The following CDH12 variants were observed in gnomAD, a reference collection of about 807,000 sequenced individuals.
CDH12 encodes cadherin-12.
Under a neutral mutation model 74.1 loss-of-function variants are expected in CDH12, and 41 were observed. The observed-to-expected ratio is 0.55, with a 90% CI of 0.43 to 0.72. The LOEUF (loss-of-function observed/expected upper bound fraction) is 0.72, where lower values mean the gene tolerates loss of function less well. CDH12 is among the 30% of genes least tolerant of loss of function. The probability of loss-of-function intolerance (pLI) is 0.00; values close to 1 mark genes in which losing one functional copy is unlikely to be tolerated. For missense variants in CDH12, 945 were observed against 977.2 expected (o/e 0.97, Z 0.44); for synonymous variants, 399 against 355.0 (o/e 1.12, Z -1.39).
At chr5:22,023,284 T>A (rs1460768846) in intron 5 of CDH12, among the ~76,000 whole-genome samples, 1 of 152,148 alleles carries the variant, frequency 6.6e-6, no homozygotes, top group Non-Finnish European at 1.5e-5. Context: ...TGCAATAAGA[T>A]GTATGCCACC....
At chr5:22,745,688 G>A (rs1202378333) in intron 1 of CDH12, among the ~76,000 whole-genome samples, 1 of 152,106 alleles carries the variant, frequency 6.6e-6, no homozygotes, top group Non-Finnish European at 1.5e-5. Flanking sequence ...AATACCACAT[G>A]CTCTCACAAT....
At chr5:21,869,178 G>A (rs1265548544) in intron 6 of CDH12, among the ~76,000 whole-genome samples, 2 of 152,146 alleles carry the variant, frequency 1.3e-5, no homozygotes, top group Non-Finnish European at 2.9e-5. Flanking sequence ...AGGTGAAATT[G>A]GACTACTACT....
chr5:22,170,977 T>C (rs1468188218), intron 4 of CDH12, among the ~76,000 whole-genome samples: 2 of 151,902 alleles, frequency 1.3e-5, no homozygotes, highest in Non-Finnish European at 2.9e-5. Context: ...TTAGTAGATA[T>C]ATGCTTAAAA....
chr5:22,432,810 C>A (rs1350180526), intron 2 of CDH12, among the ~76,000 whole-genome samples: 2 of 152,002 alleles, frequency 1.3e-5, no homozygotes, highest in Non-Finnish European at 2.9e-5. Context: ...TCAATAAATT[C>A]TACTGAAATC....
intron 1 of CDH12, among the ~76,000 whole-genome samples, chr5:22,590,602 T>G (rs1277766198): frequency 6.6e-6 from 1 of 152,194 alleles, no homozygotes; most frequent in African/African-American, 2.4e-5. Flanking sequence ...TTTCTAAAAT[T>G]CATTCCAACT....
At chr5:22,076,895 C>T (rs1742356440) in intron 5 of CDH12, among the ~76,000 whole-genome samples, 2 of 152,052 alleles carry the variant, frequency 1.3e-5, no homozygotes, top group South Asian at 2.1e-4. Flanking sequence ...GTTTGGGGCT[C>T]ACTTTGACAT....
At chr5:22,218,054 G>T (rs1255194439) in intron 3 of CDH12, among the ~76,000 whole-genome samples, 1 of 151,130 alleles carries the variant, frequency 6.6e-6, no homozygotes, top group Admixed American at 6.6e-5. Flanking sequence ...ATACCTATTA[G>T]AATAGTTAAA....
At chr5:22,288,004 T>C (rs1440883813) in intron 3 of CDH12, among the ~76,000 whole-genome samples, 1 of 152,094 alleles carries the variant, frequency 6.6e-6, no homozygotes, top group East Asian at 1.9e-4. Context: ...ATCAAATAAA[T>C]CCTGAATGGT....
intron 2 of CDH12, among the ~76,000 whole-genome samples, chr5:22,449,237 C>T (rs1744949519): frequency 6.6e-6 from 1 of 151,992 alleles, no homozygotes; most frequent in South Asian, 2.1e-4. Flanking sequence ...CACCCTTGAG[C>T]ACAATTGCAC....
intron 1 of CDH12, among the ~76,000 whole-genome samples, chr5:22,596,583 T>G (rs1384730765): frequency 6.6e-6 from 1 of 152,214 alleles, no homozygotes; most frequent in Non-Finnish European, 1.5e-5. Context: ...CAGGATTGAC[T>G]AATAATGTTG....
intron 6 of CDH12, among the ~76,000 whole-genome samples, chr5:21,967,693 C>G (rs1011949511): frequency 6.6e-6 from 1 of 152,140 alleles, no homozygotes; most frequent in African/African-American, 2.4e-5. Flanking sequence ...ACTCTTCTCT[C>G]AAGGCTACAC....
At position 22,207,779 on chromosome 5, in the gene CDH12, A is replaced by G. The variant is rs181509154; in HGVS notation, c.-187+4719T>C. Among the ~76,000 whole-genome samples, 41 of 152,348 alleles carry G rather than the reference A, an allele frequency of 2.7e-4. 1 individual carries two copies. Among genetic ancestry groups the G allele is most frequent in the Admixed American group, 2.1e-3 (32 of 15,306 alleles). ...GCCCCAAAATTCAAAATGTACTTAT[A>G]TAAACACAGTGTTATGAAATTGTTC... On this transcript the variant is annotated intron_variant, in intron 4 of 14. Coordinates refer to ENST00000382254, the MANE Select transcript of CDH12 (RefSeq NM_004061.5).
chr5:22,081,572 C>T (rs890571753), intron 4 of CDH12, among the ~76,000 whole-genome samples: 5 of 152,186 alleles, frequency 3.3e-5, no homozygotes, highest in African/African-American at 1.2e-4. Context: ...TTCTGCCTTC[C>T]TGTTCTATTA....
intron 4 of CDH12, among the ~76,000 whole-genome samples, chr5:22,190,515 A>G (rs1264795559): frequency 6.6e-6 from 1 of 152,126 alleles, no homozygotes; most frequent in East Asian, 1.9e-4. Flanking sequence ...AAAATTTACC[A>G]TATCATAAAA....
chr5:22,737,708 A>T (rs1459616304), intron 1 of CDH12, among the ~76,000 whole-genome samples: 3 of 152,060 alleles, frequency 2.0e-5, no homozygotes, highest in Admixed American at 2.0e-4. Context: ...TATGATGTGA[A>T]ATGGTCAAAA....
chr5:22,658,257 A>T (rs999443910), intron 1 of CDH12, among the ~76,000 whole-genome samples: 1 of 152,130 alleles, frequency 6.6e-6, no homozygotes, highest in Admixed American at 6.6e-5. Context: ...AAAGACCAAA[A>T]TGGATCTTAC....
At chr5:22,003,170 T>C (rs901527231) in intron 5 of CDH12, among the ~76,000 whole-genome samples, 26 of 152,070 alleles carry the variant, frequency 1.7e-4, no homozygotes, top group African/African-American at 4.1e-4. Context: ...ATAATATATA[T>C]AAAATTTTCA....
At chr5:22,764,088 T>C (rs778892849) in intron 1 of CDH12, among the ~76,000 whole-genome samples, 7 of 151,846 alleles carry the variant, frequency 4.6e-5, no homozygotes, top group African/African-American at 7.2e-5. Context: ...TTTACATTTG[T>C]TTTTAAAATA....
chr5:22,568,132 T>C (rs1229406104), intron 1 of CDH12, among the ~76,000 whole-genome samples: 1 of 152,200 alleles, frequency 6.6e-6, no homozygotes, highest in Admixed American at 6.5e-5. Flanking sequence ...TATTCTAGAT[T>C]GTTATGAGTC....
Sources: allele counts gnomAD v4.1 joint callset (sites outside exome capture counted in the v4.1 genomes callset), GRCh38; gene constraint gnomAD v4.1.1; transcripts MANE v1.5; gene names NCBI Gene and HGNC (gene_info 2026-07-23, HGNC 2026-07-21).